The following PRKD1 variants were observed in gnomAD, a reference collection of about 807,000 sequenced individuals.
The protein encoded by PRKD1 is serine/threonine-protein kinase D1.
Under a neutral mutation model 95.9 loss-of-function variants are expected in PRKD1, and 63 were observed. The ratio of observed to expected loss-of-function variants is 0.66; its 90% CI spans 0.54 to 0.81. The LOEUF is 0.81. Among genes scored for constraint, PRKD1 ranks in the 30% least tolerant of loss-of-function variants. The pLI is 0.00. For missense variants in PRKD1, 1,048 were observed against 1,165.3 expected (o/e 0.90, Z 1.47); for synonymous variants, 425 against 423.1 (o/e 1.00, Z -0.05).
chr14:29,639,459 A>G (rs942984278), intron 4 of PRKD1, among the ~76,000 whole-genome samples: 7 of 152,068 alleles, frequency 4.6e-5, no homozygotes, highest in African/African-American at 9.7e-5. Context: ...TCTCTACTAA[A>G]AATACAAAAA....
intron 1 of PRKD1, among the ~76,000 whole-genome samples, chr14:29,925,470 G>A (rs1372515619): frequency 6.6e-6 from 1 of 152,118 alleles, no homozygotes; most frequent in African/African-American, 2.4e-5. Flanking sequence ...CAGGCCTGCT[G>A]CATTCCATAG....
chr14:29,577,796 C>T (rs139433017), intron 17 of PRKD1, among the ~76,000 whole-genome samples: 94 of 152,184 alleles, frequency 6.2e-4, no homozygotes, highest in African/African-American at 2.2e-3. Context: ...AGTTTAAATT[C>T]GATGTGAAAA....
At chr14:29,768,408 T>C (rs1443894907) in intron 1 of PRKD1, among the ~76,000 whole-genome samples, 1 of 152,240 alleles carries the variant, frequency 6.6e-6, no homozygotes, top group Non-Finnish European at 1.5e-5. Context: ...TGGTAACTGC[T>C]CATTCAGTTT....
chr14:29,653,017 T>C (rs1169141881), intron 4 of PRKD1, among the ~76,000 whole-genome samples: 3 of 152,196 alleles, frequency 2.0e-5, no homozygotes, highest in African/African-American at 7.2e-5. Flanking sequence ...ATGAAAACAG[T>C]AACTAAATGA....
intron 1 of PRKD1, among the ~76,000 whole-genome samples, chr14:29,829,105 A>G (rs2139290699): frequency 6.6e-6 from 1 of 152,274 alleles, no homozygotes; most frequent in African/African-American, 2.4e-5. Flanking sequence ...CAAATCCATA[A>G]TCATCCCTGG....
chr14:29,857,865 T>C (rs1331674222), intron 1 of PRKD1, among the ~76,000 whole-genome samples: 1 of 152,194 alleles, frequency 6.6e-6, no homozygotes, highest in Non-Finnish European at 1.5e-5. Flanking sequence ...CTGCCAATTC[T>C]ACAGCAAAAG....
At chr14:29,622,030 C>A (rs75482466) in intron 13 of PRKD1, among the ~76,000 whole-genome samples, 1 of 152,090 alleles carries the variant, frequency 6.6e-6, no homozygotes, top group Non-Finnish European at 1.5e-5. Context: ...GGTCCCCAAC[C>A]TTTTTGGCAA....
intron 1 of PRKD1, among the ~76,000 whole-genome samples, chr14:29,836,637 G>A (rs756825620): frequency 1.3e-5 from 2 of 152,154 alleles, no homozygotes; most frequent in Non-Finnish European, 2.9e-5. Flanking sequence ...ACAGTCTCAG[G>A]AGCAAAAGTT....
At chr14:29,631,270 T>A (rs1001510204) in intron 9 of PRKD1, among the ~76,000 whole-genome samples, 1 of 152,180 alleles carries the variant, frequency 6.6e-6, no homozygotes, top group African/African-American at 2.4e-5. Context: ...AGAATCAGTA[T>A]GGTTAGGAAA....
chr14:29,592,771 C>T (rs994916456), intron 16 of PRKD1: 7 of 152,178 alleles, frequency 4.6e-5, no homozygotes, highest in South Asian at 2.1e-4. Context: ...GAACAAGTAA[C>T]GTGGATGAGA....
At chr14:29,889,271 G>A (rs1348336847) in intron 1 of PRKD1, among the ~76,000 whole-genome samples, 2 of 152,162 alleles carry the variant, frequency 1.3e-5, no homozygotes, top group South Asian at 2.1e-4. Context: ...AAAGATGGCC[G>A]AATAGGGAAC....
intron 1 of PRKD1, among the ~76,000 whole-genome samples, chr14:29,814,882 C>A (rs558359011): frequency 6.6e-6 from 1 of 152,074 alleles, no homozygotes; most frequent in South Asian, 2.1e-4. Flanking sequence ...AGGAAAGAGC[C>A]AACTTGAACT....
intron 1 of PRKD1, among the ~76,000 whole-genome samples, chr14:29,878,418 A>C (rs1053020767): frequency 3.3e-5 from 5 of 152,070 alleles, no homozygotes; most frequent in Non-Finnish European, 7.4e-5. Flanking sequence ...TATATACTGA[A>C]AAGAAGTGAA....
At chr14:29,838,708 TGCAAGATATA>T (rs1891708902) in intron 1 of PRKD1, among the ~76,000 whole-genome samples, 3 of 152,158 alleles carry the variant, frequency 2.0e-5, no homozygotes, top group Non-Finnish European at 4.4e-5. Flanking sequence ...TATATATAAA[TGCAAGATATA>T]ATTCATGGAA....
rs1196715060 is a variant in PRKD1 at position 29,826,500 on chromosome 14, A to C, written c.264+100749T>G. Among the ~76,000 whole-genome samples, 27 of 126,514 alleles carry C rather than the reference A, an allele frequency of 2.1e-4. 2 individuals are homozygous for C. Among genetic ancestry groups the C allele is most frequent in the African/African-American group, 8.1e-4 (27 of 33,212 alleles). The allele number at this position is 126,514 out of a possible 152,430, so 83.0% of individuals were successfully genotyped here. On this transcript the variant is annotated intron_variant, in intron 1 of 17. Transcript: ENST00000331968. ...TATATGATGGAATATATGTATACAT[A>C]TATATGATGGAATATATGTATACAT...
intron 16 of PRKD1, among the ~76,000 whole-genome samples, chr14:29,583,269 G>A (rs1274229010): frequency 6.6e-6 from 1 of 152,122 alleles, no homozygotes; most frequent in Non-Finnish European, 1.5e-5. Flanking sequence ...GTGGTTTCAG[G>A]CAATAAACAG....
intron 1 of PRKD1, among the ~76,000 whole-genome samples, chr14:29,849,636 A>G (rs112479185): frequency 9.2e-5 from 14 of 152,238 alleles, no homozygotes; most frequent in Non-Finnish European, 1.8e-4. Context: ...GCCAAATTCT[A>G]TCAGACACAC....
intron 1 of PRKD1, among the ~76,000 whole-genome samples, chr14:29,758,801 A>C (rs1039624133): frequency 6.6e-6 from 1 of 152,256 alleles, no homozygotes. Context: ...AGCCAGGATT[A>C]GAGAAGTCCC....
At chr14:29,847,921 T>C (rs750982437) in intron 1 of PRKD1, among the ~76,000 whole-genome samples, 13 of 151,942 alleles carry the variant, frequency 8.6e-5, no homozygotes, top group Non-Finnish European at 1.6e-4. Context: ...TGGCAGAAGA[T>C]GGTGCAGCAA....
Sources: gnomAD v4.1 joint callset for allele counts (sites outside exome capture counted in the v4.1 genomes callset) on GRCh38, gnomAD v4.1.1 for gene constraint, MANE v1.5 for transcripts, NCBI Gene and HGNC (gene_info 2026-07-23, HGNC 2026-07-21) for gene names.